Variants in TIGD1 observed in about 807,000 individuals in gnomAD.
TIGD1 encodes tigger transposable element derived 1, also known as tigger transposable element-derived protein 1.
In TIGD1, 20 loss-of-function variants were observed where a neutral mutation model predicts 21.3. That is an observed-to-expected ratio of 0.94 (90% CI 0.66 to 1.36). The LOEUF is 1.36. TIGD1 is among the 40% of genes most tolerant of loss of function. TIGD1 has a pLI of 0.00. For missense variants in TIGD1, 556 were observed against 350.5 expected, an observed-to-expected ratio of 1.59 and a Z score of -4.68; for synonymous variants, 177 against 123.2, an observed-to-expected ratio of 1.44 and a Z score of -2.89.
rs542923202 is a variant in TIGD1, at chr2:232,544,051, T to C, written c.*4056A>G. On this transcript the variant is annotated 3_prime_UTR_variant, in exon 1 of 1. Coordinates refer to ENST00000408957, the MANE Select transcript of TIGD1 (RefSeq NM_145702.4). ...GTCTGATTCCAGTCTGTGTGATCTG[T>C]AGCCCACCTGCAGCCTTCAGCTTGG... 2.0e-5 allele frequency among the ~76,000 whole-genome samples: 3 copies of C among 152,336 alleles called. No homozygotes were observed. The highest frequency in any genetic ancestry group is 2.1e-4 in the South Asian group (1 of 4,826).
Position 232,548,559 on chromosome 2 carries a change from C to T in TIGD1, c.1324G>A (p.Glu442Lys). ...GATTGCAGCAATTCAGTTACATCTT[C>T]AGGCTCTACTTCTAATTCTAGTTCT... ...AKELELEVEP[E>K]DVTELLQSHD... The change falls in exon 1 of 1, where the codon GAA (glutamate) becomes AAA (lysine). Residue 442 changes from glutamate to lysine, a missense_variant. Coordinates refer to ENST00000408957, the MANE Select transcript of TIGD1 (RefSeq NM_145702.4). The T allele has an allele frequency of 1.6e-6, 1 of 629,650 alleles. No individual in the cohort carries two copies. Among genetic ancestry groups the T allele is most frequent in the Non-Finnish European group, 2.9e-6 (1 of 344,766 alleles). The allele number at this position is 629,650 out of a possible 1,614,324, so 39.0% of individuals were successfully genotyped here.
Position 232,546,745 on chromosome 2 carries a change from T to C in TIGD1, c.*1362A>G, listed in dbSNP as rs1002421713. Among the ~76,000 whole-genome samples the C allele has an allele frequency of 4.6e-5, 7 of 152,208 alleles. No homozygotes were observed. The highest frequency in any genetic ancestry group is 2.1e-4 in the South Asian group (1 of 4,820). The stretch of plus-strand genomic sequence containing the variant: ...GAGTAAGCGGGACTCCACACAACAG[T>C]GGTGGTTAAACAAGGTTTGAAGTCC... On this transcript the variant is annotated 3_prime_UTR_variant, in exon 1 of 1. Transcript: ENST00000408957.
Position 232,544,016 on chromosome 2 carries a change from T to G in TIGD1, c.*4091A>C, listed in dbSNP as rs573917497. On this transcript the variant is annotated 3_prime_UTR_variant, in exon 1 of 1. Coordinates refer to ENST00000408957, the MANE Select transcript of TIGD1 (RefSeq NM_145702.4). ...CTACAAAGTCGAAAAAGCAGGAGTC[T>G]GCCAGGGCAGTCTGATTCCAGTCTG... is the stretch of plus-strand genomic sequence containing the variant. Among the ~76,000 whole-genome samples the G allele has an allele frequency of 6.6e-6, 1 of 152,358 alleles. No individual in the cohort carries two copies. Among genetic ancestry groups the G allele is most frequent in the East Asian group, 1.9e-4 (1 of 5,180 alleles).
rs1692234491 is a variant in TIGD1 at position 232,549,746 on chromosome 2, G to C, written c.137C>G (p.Thr46Arg). 7.8e-7 allele frequency: 1 copy of C among 1,283,336 alleles called. No homozygotes were observed. The highest frequency in any genetic ancestry group is 1.3e-5 in the South Asian group (1 of 78,500). The allele number at this position is 1,283,336 out of a possible 1,614,324, so 79.5% of individuals were successfully genotyped here. A position where few individuals can be genotyped will look rare whatever the true frequency, so the allele number is the denominator to read the frequency against. ...IGRRLGLLRQ[T>R]VSQVVNAKEK... ...CTTTGCATTTACAACTTGGCTAACT[G>C]TTTGCCGCAGGAGGCCTAGCCTTCG... The change falls in exon 1 of 1, where the codon ACA becomes AGA. Residue 46 changes from threonine (T) to arginine (R), a missense_variant. Transcript: ENST00000408957.
At position 232,544,380 on chromosome 2, in the gene TIGD1, T is replaced by C. The variant is rs1692080823; in HGVS notation, c.*3727A>G. 6.2e-7 allele frequency: 1 copy of C among 1,613,162 alleles called. No individual in the cohort carries two copies. The highest frequency in any genetic ancestry group is 1.7e-5 in the Admixed American group (1 of 60,010). ...CCCCCTCTCTAGGTGTTCCTGAGGCTCTTGCCCCAGCTGCTGAGGATGCAC... is the reference window on the plus strand; with the variant it reads ...CCCCCTCTCTAGGTGTTCCTGAGGCCCTTGCCCCAGCTGCTGAGGATGCAC... On this transcript the variant is annotated 3_prime_UTR_variant, in exon 1 of 1. Coordinates refer to ENST00000408957, the MANE Select transcript of TIGD1 (RefSeq NM_145702.4).
Position 232,549,809 on chromosome 2 carries a change from T to G in TIGD1, c.74A>C (p.Lys25Thr), listed in dbSNP as rs1344438825. The G allele has an allele frequency of 6.5e-7, 1 of 1,546,686 alleles. No individual in the cohort carries two copies. The highest frequency in any genetic ancestry group is 2.0e-5 in the Admixed American group (1 of 50,580). Residue 25 changes from lysine (K) to threonine (T), a missense_variant, in exon 1 of 1, where the codon AAA (lysine) becomes ACA (threonine). By Grantham distance (78) the Lys-to-Thr change is moderately conservative (BLOSUM62 -1). Transcript: ENST00000408957. The stretch of plus-strand genomic sequence containing the variant: ...TTTTGACATACCTTCCTCACTCAGT[T>G]TAATCATTTCTAGTTTTTGATTTAA... The part of the protein sequence containing the change: ...LTLNQKLEMI[K>T]LSEEGMSKAE...
chr2:232,545,412 G>A lies in TIGD1; in HGVS notation c.*2695C>T. 3 of 844,734 alleles carry A rather than the reference G, an allele frequency of 3.6e-6. No homozygotes were observed. In the South Asian group the frequency reaches 4.3e-5, roughly 12 times the overall value. 52.3% of individuals were successfully genotyped at this position (844,734 alleles called of 1,614,324 possible). On this transcript the variant is annotated 3_prime_UTR_variant, in exon 1 of 1. Transcript: ENST00000408957. ...GGCCATGGAATTAGCCACCAGTTGGGACCCGGACATAGGTAAGAAGGGCCC... is the reference window on the plus strand; with the variant it reads ...GGCCATGGAATTAGCCACCAGTTGGAACCCGGACATAGGTAAGAAGGGCCC...
chr2:232,549,667 T>C lies in TIGD1; in HGVS notation c.216A>G (p.Ile72Met), dbSNP rs1306497081. The C allele has an allele frequency of 1.4e-6, 1 of 729,702 alleles. No individual in the cohort carries two copies. Among genetic ancestry groups the C allele is most frequent in the East Asian group, 2.7e-5 (1 of 37,384 alleles). 45.2% of individuals were successfully genotyped at this position (729,702 alleles called of 1,614,324 possible). ...CAGCAATAAGGCTGTTTCGCTTTCT[T>C]ATCATTCGTGTGTTCATTGGAGTAG... The part of the protein sequence containing the change: ...KSATPMNTRM[I>M]RKRNSLIADM... Residue 72 changes from isoleucine (I) to methionine (M), a missense_variant, in exon 1 of 1, where the codon ATA becomes ATG. Transcript: ENST00000408957.
chr2:232,549,912 T>C lies in TIGD1; in HGVS notation c.-30A>G, dbSNP rs778983325. The C allele has an allele frequency of 1.3e-5, 16 of 1,215,922 alleles. No homozygotes were observed. The highest frequency in any genetic ancestry group is 1.7e-5 in the Non-Finnish European group (15 of 879,334). 75.3% of individuals were successfully genotyped at this position (1,215,922 alleles called of 1,614,324 possible). ...GAGTCATTAATTCGCCTAATCTCAA[T>C]ATTGTTGTGTCTCAGGGAATAGGGA... On this transcript the variant is annotated 5_prime_UTR_variant, in exon 1 of 1. In the 5' UTR this introduces an upstream ATG that the reference lacks. Coordinates refer to ENST00000408957, the MANE Select transcript of TIGD1 (RefSeq NM_145702.4).
chr2:232,544,993 G>A lies in TIGD1; in HGVS notation c.*3114C>T. 1.5e-5 allele frequency: 23 copies of A among 1,540,152 alleles called. No homozygotes were observed. Among genetic ancestry groups the A allele is most frequent in the Non-Finnish European group, 2.0e-5 (22 of 1,123,006 alleles). On this transcript the variant is annotated 3_prime_UTR_variant, in exon 1 of 1. Coordinates refer to ENST00000408957, the MANE Select transcript of TIGD1 (RefSeq NM_145702.4). ...GGATGAGTGGGGTTGCCAAGATAGGGCAGTGGGATGGAAAAACATGAGGCC... is the reference window on the plus strand; with the variant it reads ...GGATGAGTGGGGTTGCCAAGATAGGACAGTGGGATGGAAAAACATGAGGCC...
In TIGD1 at chr2:232,548,515, T is replaced by G. The variant is rs1049746834; in HGVS notation, c.1368A>C (p.Thr456=). 1.5e-6 allele frequency: 1 copy of G among 653,802 alleles called. No individual in the cohort carries two copies. Among genetic ancestry groups the G allele is most frequent in the South Asian group, 1.8e-5 (1 of 56,924 alleles). The allele number at this position is 653,802 out of a possible 1,614,324, so 40.5% of individuals were successfully genotyped here. The change falls in exon 1 of 1, where the codon ACA becomes ACC. Residue 456 remains threonine (T), a synonymous_variant. Coordinates refer to ENST00000408957, the MANE Select transcript of TIGD1 (RefSeq NM_145702.4). ...ELLQSHDKTL[T]DEELFLMDAQ... ...CATCCATAAGAAACAACTCCTCATC[T>G]GTTAAAGTTTTATCATGAGATTGCA...
In TIGD1 at chr2:232,544,385, C is replaced by G; in HGVS notation, c.*3722G>C. ...TCTCTAGGTGTTCCTGAGGCTCTTG[C>G]CCCAGCTGCTGAGGATGCACGTTCG... On this transcript the variant is annotated 3_prime_UTR_variant, in exon 1 of 1. Coordinates refer to ENST00000408957, the MANE Select transcript of TIGD1 (RefSeq NM_145702.4). 1 of 1,613,332 alleles carries G rather than the reference C, an allele frequency of 6.2e-7. No individual in the cohort carries two copies. The highest frequency in any genetic ancestry group is 8.5e-7 in the Non-Finnish European group (1 of 1,179,970).
chr2:232,549,974 T>G lies in TIGD1; in HGVS notation c.-92A>C. On this transcript the variant is annotated 5_prime_UTR_variant, in exon 1 of 1. Coordinates refer to ENST00000408957, the MANE Select transcript of TIGD1 (RefSeq NM_145702.4). ...AGGGAGAGAGATGGGGAACGGTCTG[T>G]GGGTGGAGCGGTCAGAACACACACA... The G allele has an allele frequency of 1.4e-6, 1 of 714,938 alleles. No homozygotes were observed. 44.3% of individuals were successfully genotyped at this position (714,938 alleles called of 1,614,324 possible). A position where few individuals can be genotyped will look rare whatever the true frequency, so the allele number is the denominator to read the frequency against.
At position 232,548,212 on chromosome 2, in the gene TIGD1, T is replaced by C; in HGVS notation, c.1671A>G (p.Pro557=). 6.5e-7 allele frequency: 1 copy of C among 1,540,452 alleles called. No individual in the cohort carries two copies. The highest frequency in any genetic ancestry group is 8.7e-7 in the Non-Finnish European group (1 of 1,145,988). Residue 557 remains proline (P), a synonymous_variant, in exon 1 of 1, where the codon CCA becomes CCG. Coordinates refer to ENST00000408957, the MANE Select transcript of TIGD1 (RefSeq NM_145702.4). Reference sequence around the variant, plus strand: ...GGGTGGTGGCTGCTGAAGGTTGGGGTGGCTGTGGCAATTTCCTAAAATAAG... The same window carrying C: ...GGGTGGTGGCTGCTGAAGGTTGGGGCGGCTGTGGCAATTTCCTAAAATAAG... The part of the protein sequence containing the change: ...PMSYFRKLPQ[P]PQPSAATTLT...
At position 232,550,131 on chromosome 2, in the gene TIGD1, T is replaced by A. The variant is rs1692249671; in HGVS notation, c.-249A>T. ...AATCATGAAAAAGTTTTAAATATTT[T>A]GAGAATTACCAAAATGTAACACAGA... On this transcript the variant is annotated 5_prime_UTR_variant, in exon 1 of 1. Coordinates refer to ENST00000408957, the MANE Select transcript of TIGD1 (RefSeq NM_145702.4). The A allele has an allele frequency of 2.5e-6, 1 of 393,864 alleles. No homozygotes were observed. The highest frequency in any genetic ancestry group is 4.7e-6 in the Non-Finnish European group (1 of 213,988). 24.4% of individuals were successfully genotyped at this position (393,864 alleles called of 1,614,324 possible).
chr2:232,544,955 C>T lies in TIGD1; in HGVS notation c.*3152G>A, dbSNP rs1692097372. The T allele has an allele frequency of 4.3e-6, 7 of 1,610,638 alleles. No individual in the cohort carries two copies. Among genetic ancestry groups the T allele is most frequent in the Admixed American group, 1.7e-5 (1 of 59,760 alleles). On this transcript the variant is annotated 3_prime_UTR_variant, in exon 1 of 1. Transcript: ENST00000408957. ...TGGAGTGAGTACCTGGGCTTGGAAC[C>T]GTGATAGAGACAGGATGAGTGGGGT...
chr2:232,546,301 T>C lies in TIGD1; in HGVS notation c.*1806A>G, dbSNP rs1284448544. 7.0e-6 allele frequency: 1 copy of C among 143,528 alleles called. No individual in the cohort carries two copies. Among genetic ancestry groups the C allele is most frequent in the African/African-American group, 2.6e-5 (1 of 38,256 alleles). The allele number at this position is 143,528 out of a possible 1,614,324, so 8.9% of individuals were successfully genotyped here. On this transcript the variant is annotated 3_prime_UTR_variant, in exon 1 of 1. Transcript: ENST00000408957. ...CCACAAGACGATTTCCTGAGTTTTGTAATCCTCTTTTTTTTTTTTTTTTTT... is the reference window on the plus strand; with the variant it reads ...CCACAAGACGATTTCCTGAGTTTTGCAATCCTCTTTTTTTTTTTTTTTTTT...
In TIGD1 at chr2:232,546,363, T is replaced by C. The variant is rs1026982155; in HGVS notation, c.*1744A>G. On this transcript the variant is annotated 3_prime_UTR_variant, in exon 1 of 1. Transcript: ENST00000408957. ...TGTGTTGTTGTTGTTTTGTTTAGTT[T>C]TGAGATAGAGCCTCACTCTTGTCAT... The C allele has an allele frequency of 1.3e-5, 2 of 157,616 alleles. No homozygotes were observed. The highest frequency in any genetic ancestry group is 4.9e-5 in the African/African-American group (2 of 40,978). The allele number at this position is 157,616 out of a possible 1,614,324, so 9.8% of individuals were successfully genotyped here. A position where few individuals can be genotyped will look rare whatever the true frequency, so the allele number is the denominator to read the frequency against.
Position 232,549,435 on chromosome 2 carries a change from CT to C in TIGD1, c.447del (p.Ala150HisfsTer10). The C allele has an allele frequency of 1.5e-6, 1 of 653,236 alleles. No homozygotes were observed. Among genetic ancestry groups the C allele is most frequent in the Non-Finnish European group, 2.7e-6 (1 of 365,478 alleles). The allele number at this position is 653,236 out of a possible 1,614,324, so 40.5% of individuals were successfully genotyped here. On this transcript the variant is annotated frameshift_variant, in exon 1 of 1. Coordinates refer to ENST00000408957, the MANE Select transcript of TIGD1 (RefSeq NM_145702.4). LOFTEE classifies it high-confidence loss of function. ...FKERSHFHNI[K>X]AQGEAASADV... ...TCAGCACTTGCTGCTTCACCTTGTG[CT>C]TTTATGTTATGGAAATGGCTTCTTT...
Sources: gnomAD v4.1 joint callset for allele counts (sites outside exome capture counted in the v4.1 genomes callset) on GRCh38, gnomAD v4.1.1 for gene constraint, MANE v1.5 for transcripts, NCBI Gene and HGNC (gene_info 2026-07-23, HGNC 2026-07-21) for gene names.